The following SPRY3 variants were observed in gnomAD, a reference collection of about 807,000 sequenced individuals.
SPRY3 encodes sprouty RTK signaling antagonist 3, also known as protein sprouty homolog 3.
In SPRY3, 15 loss-of-function variants were observed where a neutral mutation model predicts 20.2. That is an observed-to-expected ratio of 0.74 (90% CI 0.50 to 1.14). The LOEUF (loss-of-function observed/expected upper bound fraction) is 1.14, where lower values mean the gene tolerates loss of function less well. Among genes scored for constraint, SPRY3 ranks in the 50% most tolerant of loss-of-function variants. SPRY3 has a pLI of 0.00. For synonymous variants in SPRY3, 143 were observed against 136.5 expected (o/e 1.05, Z -0.33); for missense variants, 364 against 363.9 (o/e 1.00, Z 0.00).
At chrX:155,669,336 C>T (rs1231469323) in intron 2 of SPRY3, among the ~76,000 whole-genome samples, 2 of 110,972 alleles carry the variant, frequency 1.8e-5, no homozygotes, top group African/African-American at 6.5e-5. Flanking sequence ...CTTACTAATT[C>T]TCTTATTAGT....
chrX:155,657,019 G>C (rs782812820), exon 2 of SPRY3, among the ~76,000 whole-genome samples: 1 of 111,325 alleles, frequency 9.0e-6, no homozygotes, highest in Non-Finnish European at 1.9e-5. Flanking sequence ...GAGCTCTCCT[G>C]TATGAGGTAT....
chrX:155,684,668 G>A (rs752730768), intron 2 of SPRY3, among the ~76,000 whole-genome samples: 29 of 111,620 alleles, frequency 2.6e-4, no homozygotes, highest in Admixed American at 9.5e-4. Context: ...CTCAAGAGGA[G>A]AAAAGTCTAT....
intron 2 of SPRY3, among the ~76,000 whole-genome samples, chrX:155,723,214 G>T (rs1186216609): frequency 6.6e-6 from 1 of 152,046 alleles, no homozygotes; most frequent in Admixed American, 6.5e-5. Context: ...CCAAGTCTTT[G>T]CTATTGTGAA....
At chrX:155,722,481 T>A (rs2091066176) in intron 2 of SPRY3, among the ~76,000 whole-genome samples, 1 of 152,024 alleles carries the variant, frequency 6.6e-6, no homozygotes, top group African/African-American at 2.4e-5. Flanking sequence ...AGATCATGCC[T>A]CTGCACTCCA....
intron 1 of SPRY3, among the ~76,000 whole-genome samples, chrX:155,614,301 A>G (rs1190337069): frequency 1.8e-5 from 2 of 112,208 alleles, no homozygotes; most frequent in African/African-American, 3.2e-5. Flanking sequence ...AAAGAACAGC[A>G]TGATCCAATG....
intron 2 of SPRY3, among the ~76,000 whole-genome samples, chrX:155,751,508 G>A (rs1197981478): frequency 5.3e-5 from 8 of 151,930 alleles, no homozygotes; most frequent in Admixed American, 2.6e-4. Context: ...TCTCATGTCA[G>A]GGCATCTTAC....
At chrX:155,683,555 C>T (rs1421485065) in intron 2 of SPRY3, among the ~76,000 whole-genome samples, 1 of 112,021 alleles carries the variant, frequency 8.9e-6, no homozygotes, top group African/African-American at 3.2e-5. Context: ...GTAAACATAA[C>T]CTTTACATGT....
At chrX:155,649,940 T>G (rs782281454) in intron 1 of SPRY3, among the ~76,000 whole-genome samples, 3 of 111,683 alleles carry the variant, frequency 2.7e-5, no homozygotes, top group Non-Finnish European at 5.7e-5. Context: ...AAAATCAATG[T>G]GCAAAAATCA....
At chrX:155,742,145 A>G (rs912741868) in intron 2 of SPRY3, among the ~76,000 whole-genome samples, 4 of 152,198 alleles carry the variant, frequency 2.6e-5, no homozygotes, top group Non-Finnish European at 5.9e-5. Context: ...AAAGGGATGG[A>G]GGAAAATTTA....
chrX:155,626,787 T>G (rs781940729), intron 1 of SPRY3, among the ~76,000 whole-genome samples: 1 of 111,576 alleles, frequency 9.0e-6, no homozygotes, highest in East Asian at 2.8e-4. Context: ...CAGTGTCCTG[T>G]TTTTTTAGCC....
chrX:155,733,609 A>G (rs1470955420), intron 2 of SPRY3, among the ~76,000 whole-genome samples: 1 of 151,964 alleles, frequency 6.6e-6, no homozygotes, highest in Non-Finnish European at 1.5e-5. Flanking sequence ...CTTCAACTTA[A>G]TATCACCAGC....
intron 2 of SPRY3, among the ~76,000 whole-genome samples, chrX:155,684,381 G>A (rs957222401): frequency 6.3e-5 from 7 of 110,991 alleles, no homozygotes; most frequent in African/African-American, 1.3e-4. Flanking sequence ...ACCCTTCTCC[G>A]TCAGAACAGA....
chrX:155,762,275 T>A (rs1488480054), intron 2 of SPRY3, among the ~76,000 whole-genome samples: 2 of 152,076 alleles, frequency 1.3e-5, no homozygotes, highest in Non-Finnish European at 2.9e-5. Flanking sequence ...TTTGAAGGGG[T>A]CATATATGAA....
Position 155,646,600 on chromosome X carries a change from C to T in SPRY3, c.-440-10267C>T, listed in dbSNP as rs782526564. ...AGTTTCCTTTTTTGGATGGTTTGTT[C>T]TTAGTGTGTAGAAATGTAACTTTTT... On this transcript the variant is annotated intron_variant, in intron 1 of 3. Coordinates refer to ENST00000675360, the Ensembl canonical transcript of SPRY3. Among the ~76,000 whole-genome samples, 242 of 110,243 alleles carry T rather than the reference C, an allele frequency of 2.2e-3. 1 individual carries two copies. The highest frequency in any genetic ancestry group is 7.6e-3 in the African/African-American group (231 of 30,406).
chrX:155,760,620 G>A (rs2091300407), intron 2 of SPRY3, among the ~76,000 whole-genome samples: 1 of 152,144 alleles, frequency 6.6e-6, no homozygotes, highest in Admixed American at 6.6e-5. Context: ...CACCACGGTG[G>A]TGGTAGGAGG....
At chrX:155,757,010 C>T (rs1311699561) in intron 2 of SPRY3, among the ~76,000 whole-genome samples, 2 of 152,124 alleles carry the variant, frequency 1.3e-5, no homozygotes, top group Admixed American at 6.5e-5. Flanking sequence ...AACATAAACC[C>T]CTCTTCTGAA....
intron 2 of SPRY3, among the ~76,000 whole-genome samples, chrX:155,746,963 C>G (rs1205084606): frequency 6.6e-6 from 1 of 151,780 alleles, no homozygotes; most frequent in African/African-American, 2.4e-5. Context: ...CTTTTATTGT[C>G]TCCTCTTGGC....
intron 2 of SPRY3, among the ~76,000 whole-genome samples, chrX:155,741,722 A>G (rs1042627174): frequency 3.9e-5 from 6 of 152,134 alleles, no homozygotes; most frequent in African/African-American, 1.4e-4. Context: ...AAGAATTTCC[A>G]ACCCAGAACA....
At chrX:155,745,754 T>G (rs988395316) in intron 2 of SPRY3, among the ~76,000 whole-genome samples, 10 of 152,114 alleles carry the variant, frequency 6.6e-5, no homozygotes, top group African/African-American at 2.4e-4. Context: ...CCTTGCATAA[T>G]GCTTGGCATA....
Sources: gnomAD v4.1 joint callset for allele counts (sites outside exome capture counted in the v4.1 genomes callset) on GRCh38, gnomAD v4.1.1 for gene constraint, MANE v1.5 for transcripts, NCBI Gene and HGNC (gene_info 2026-07-23, HGNC 2026-07-21) for gene names.